The following TMEM117 variants were observed in gnomAD, a reference collection of about 807,000 sequenced individuals.
TMEM117 encodes the protein transmembrane protein 117.
In TMEM117, 27 loss-of-function variants were observed where a neutral mutation model predicts 52.4. The ratio of observed to expected loss-of-function variants is 0.51; its 90% CI spans 0.38 to 0.71. The LOEUF is 0.71. Ranked by LOEUF, TMEM117 falls within the 30% of genes least tolerant of loss-of-function variation. The pLI, the probability that TMEM117 is intolerant of heterozygous loss-of-function variation, is 0.00. For missense variants in TMEM117, 556 were observed against 630.5 expected (o/e 0.88, Z 1.26); for synonymous variants, 215 against 206.3 (o/e 1.04, Z -0.36).
intron 6 of TMEM117, among the ~76,000 whole-genome samples, chr12:44,322,413 G>A (rs972215711): frequency 1.3e-5 from 2 of 152,142 alleles, no homozygotes; most frequent in Non-Finnish European, 2.9e-5. Context: ...TCTTCTCAGA[G>A]TTGCAGAAAG....
intron 2 of TMEM117, among the ~76,000 whole-genome samples, chr12:43,936,050 A>T (rs1398924771): frequency 6.6e-6 from 1 of 152,162 alleles, no homozygotes; most frequent in East Asian, 1.9e-4. Context: ...CTTGGATTTT[A>T]TATTACGGGA....
At chr12:44,147,043 CTG>C (rs1417361506) in intron 4 of TMEM117, among the ~76,000 whole-genome samples, 1 of 152,096 alleles carries the variant, frequency 6.6e-6, no homozygotes, top group East Asian at 1.9e-4. Flanking sequence ...TTTCCTGGCT[CTG>C]TGGTACTCCC....
At chr12:44,228,855 G>T (rs1402369376) in intron 5 of TMEM117, among the ~76,000 whole-genome samples, 1 of 152,158 alleles carries the variant, frequency 6.6e-6, no homozygotes, top group Non-Finnish European at 1.5e-5. Context: ...TGTGGAGCCT[G>T]TGGGCCACAC....
intron 3 of TMEM117, among the ~76,000 whole-genome samples, chr12:44,027,376 G>A (rs1946559026): frequency 6.6e-6 from 1 of 151,806 alleles, no homozygotes; most frequent in Non-Finnish European, 1.5e-5. Flanking sequence ...GTTTCACCAT[G>A]TTGGCCAGGC....
At chr12:44,384,579 A>G (rs1453740170) in intron 7 of TMEM117, among the ~76,000 whole-genome samples, 1 of 152,194 alleles carries the variant, frequency 6.6e-6, no homozygotes, top group African/African-American at 2.4e-5. Flanking sequence ...AACATGTTAA[A>G]TATGCTGATT....
At chr12:44,144,372 C>T (rs868276893) in intron 4 of TMEM117, among the ~76,000 whole-genome samples, 2 of 152,172 alleles carry the variant, frequency 1.3e-5, no homozygotes, top group Admixed American at 6.5e-5. Flanking sequence ...AAATGGAGCA[C>T]TTCATTAATA....
chr12:44,319,733 G>A (rs912080104), intron 6 of TMEM117, among the ~76,000 whole-genome samples: 2 of 152,150 alleles, frequency 1.3e-5, no homozygotes, highest in Admixed American at 1.3e-4. Context: ...AGATCTGGTG[G>A]CTGCATTCAC....
chr12:43,876,903 A>G (rs1943806717), intron 2 of TMEM117, among the ~76,000 whole-genome samples: 1 of 152,168 alleles, frequency 6.6e-6, no homozygotes, highest in Non-Finnish European at 1.5e-5. Context: ...AAATTATTTT[A>G]TGACAGTGAC....
At chr12:44,218,797 T>C (rs1259784637) in intron 5 of TMEM117, among the ~76,000 whole-genome samples, 3 of 152,240 alleles carry the variant, frequency 2.0e-5, no homozygotes, top group Non-Finnish European at 4.4e-5. Context: ...CATTCAGTGC[T>C]TCCTGTATTC....
At chr12:44,068,541 T>C (rs1947255612) in intron 3 of TMEM117, among the ~76,000 whole-genome samples, 1 of 152,116 alleles carries the variant, frequency 6.6e-6, no homozygotes, top group Non-Finnish European at 1.5e-5. Flanking sequence ...TTGGAAGACC[T>C]GAGGAGAGAG....
intron 3 of TMEM117, among the ~76,000 whole-genome samples, chr12:44,081,923 A>G (rs1947487652): frequency 6.6e-6 from 1 of 152,072 alleles, no homozygotes; most frequent in Non-Finnish European, 1.5e-5. Flanking sequence ...GTTTAACTGT[A>G]TAAATCTTAA....
At chr12:43,806,030 G>C in the TMEM117 span, 33 of 1,521,106 alleles carry the variant, frequency 2.2e-5, no homozygotes, top group African/African-American at 3.7e-4. Context: ...CAGGGACCGG[G>C]CTGGAGGAGG....
chr12:44,397,684 C>G, the TMEM117 span, among the ~76,000 whole-genome samples: 2 of 152,246 alleles, frequency 1.3e-5, no homozygotes, highest in Non-Finnish European at 2.9e-5. Context: ...TGCTTTGAGT[C>G]AATGTTTAGA....
At chr12:44,339,614 CTAAT>C (rs1951389437) in intron 6 of TMEM117, among the ~76,000 whole-genome samples, 1 of 151,662 alleles carries the variant, frequency 6.6e-6, no homozygotes, top group Non-Finnish European at 1.5e-5. Context: ...TAATCAGTAA[CTAAT>C]TAGAAAATAC....
At chr12:43,887,863 T>G (rs950481255) in intron 2 of TMEM117, among the ~76,000 whole-genome samples, 5 of 152,014 alleles carry the variant, frequency 3.3e-5, no homozygotes, top group Non-Finnish European at 5.9e-5. Flanking sequence ...GCTGTAAGAG[T>G]AAATTATGTG....
intron 6 of TMEM117, among the ~76,000 whole-genome samples, chr12:44,365,956 G>C (rs1168526377): frequency 6.6e-6 from 1 of 151,898 alleles, no homozygotes; most frequent in African/African-American, 2.4e-5. Context: ...TGATATGGGA[G>C]GATTCCTGTA....
At chr12:43,915,753 A>C (rs925685344) in intron 2 of TMEM117, among the ~76,000 whole-genome samples, 1 of 141,762 alleles carries the variant, frequency 7.1e-6, no homozygotes, top group Admixed American at 7.3e-5. Context: ...AGAAAGAAAA[A>C]GAAAGAAAGA....
chr12:44,394,452 C>T (rs377702948), downstream of TMEM117, among the ~76,000 whole-genome samples: 1 of 152,150 alleles, frequency 6.6e-6, no homozygotes, highest in African/African-American at 2.4e-5. Flanking sequence ...AATTTTCTGT[C>T]CCTGTTGGTT....
At chr12:43,935,782 G>A (rs1413837087) in intron 2 of TMEM117, among the ~76,000 whole-genome samples, 1 of 152,124 alleles carries the variant, frequency 6.6e-6, no homozygotes, top group African/African-American at 2.4e-5. Flanking sequence ...TATAATCCCA[G>A]ATATAAAATA....
Sources: gnomAD v4.1 joint callset for allele counts (sites outside exome capture counted in the v4.1 genomes callset) on GRCh38, gnomAD v4.1.1 for gene constraint, MANE v1.5 for transcripts, NCBI Gene and HGNC (gene_info 2026-07-23, HGNC 2026-07-21) for gene names.